The following CNTNAP2 variants were observed in gnomAD, a reference collection of about 807,000 sequenced individuals.
CNTNAP2 encodes the protein contactin associated protein 2.
In CNTNAP2, 98 loss-of-function variants were observed where a neutral mutation model predicts 155.2. The observed-to-expected ratio is 0.63, with a 90% CI of 0.54 to 0.75. CNTNAP2 has a LOEUF of 0.75. CNTNAP2 is among the 30% of genes least tolerant of loss of function. CNTNAP2 has a pLI of 0.00. For missense variants in CNTNAP2, 1,727 were observed against 1,688.1 expected (o/e 1.02, Z -0.40); for synonymous variants, 651 against 631.2 (o/e 1.03, Z -0.47).
Position 147,332,827 on chromosome 7 carries a change from G to A in CNTNAP2, c.1498+32537G>A, listed in dbSNP as rs571467608. ...TAGTGAGCCGAAATCATGCCACTGCGCTCCATCCTGGATGACAGAATGAGA... is the reference window on the plus strand; with the variant it reads ...TAGTGAGCCGAAATCATGCCACTGCACTCCATCCTGGATGACAGAATGAGA... On this transcript the variant is annotated intron_variant, in intron 9 of 23. Coordinates refer to ENST00000361727, the MANE Select transcript of CNTNAP2 (RefSeq NM_014141.6). Among the ~76,000 whole-genome samples, 13 of 152,122 alleles carry A rather than the reference G, an allele frequency of 8.5e-5. No individual in the cohort carries two copies. The East Asian group carries it at 1.6e-3, about 18-fold the overall frequency.
chr7:148,298,086 A>G (rs1454703833), intron 21 of CNTNAP2, among the ~76,000 whole-genome samples: 1 of 152,244 alleles, frequency 6.6e-6, no homozygotes, highest in Non-Finnish European at 1.5e-5. Flanking sequence ...AAGTAACTGT[A>G]GGAAACAATA....
At chr7:147,665,794 C>T (rs1166161684) in intron 13 of CNTNAP2, among the ~76,000 whole-genome samples, 1 of 152,192 alleles carries the variant, frequency 6.6e-6, no homozygotes, top group Non-Finnish European at 1.5e-5. Context: ...CTACAGAGGA[C>T]ATGACCTCAT....
At chr7:146,517,803 A>G (rs1338770907) in intron 1 of CNTNAP2, among the ~76,000 whole-genome samples, 1 of 151,954 alleles carries the variant, frequency 6.6e-6, no homozygotes, top group African/African-American at 2.4e-5. Flanking sequence ...ATGCAGATGG[A>G]GAGAACTGGC....
intron 1 of CNTNAP2, among the ~76,000 whole-genome samples, chr7:146,608,928 C>A (rs981585185): frequency 6.6e-6 from 1 of 152,010 alleles, no homozygotes; most frequent in Non-Finnish European, 1.5e-5. Context: ...AGAAATAATT[C>A]AAAGTTTTTC....
chr7:146,837,609 A>G (rs1337626371), intron 2 of CNTNAP2, among the ~76,000 whole-genome samples: 1 of 152,050 alleles, frequency 6.6e-6, no homozygotes, highest in Non-Finnish European at 1.5e-5. Flanking sequence ...CCAAATGTCT[A>G]GTATATTTTT....
intron 13 of CNTNAP2, among the ~76,000 whole-genome samples, chr7:147,716,390 G>C (rs1312331926): frequency 6.6e-6 from 1 of 152,072 alleles, no homozygotes; most frequent in Non-Finnish European, 1.5e-5. Flanking sequence ...TTATAGGTGA[G>C]CTGGTGGTGA....
intron 13 of CNTNAP2, among the ~76,000 whole-genome samples, chr7:147,725,650 T>C (rs947869349): frequency 6.6e-6 from 1 of 152,058 alleles, no homozygotes; most frequent in Non-Finnish European, 1.5e-5. Context: ...ACTGTGAACG[T>C]GATTTCCCCC....
chr7:147,903,238 A>G (rs1290223608), intron 13 of CNTNAP2, among the ~76,000 whole-genome samples: 1 of 152,032 alleles, frequency 6.6e-6, no homozygotes, highest in Non-Finnish European at 1.5e-5. Context: ...GATGCTGAGC[A>G]TTTTTTCATA....
chr7:147,564,576 T>G (rs1313423631), intron 12 of CNTNAP2, among the ~76,000 whole-genome samples: 1 of 152,178 alleles, frequency 6.6e-6, no homozygotes, highest in Non-Finnish European at 1.5e-5. Flanking sequence ...AGAATTTATT[T>G]TAGTTATTTT....
intron 13 of CNTNAP2, among the ~76,000 whole-genome samples, chr7:147,655,843 G>A (rs923429763): frequency 6.6e-6 from 1 of 152,168 alleles, no homozygotes; most frequent in Non-Finnish European, 1.5e-5. Context: ...GAAGCCAAGC[G>A]TTCACTTTTC....
chr7:146,944,821 T>G (rs1170190177), intron 3 of CNTNAP2, among the ~76,000 whole-genome samples: 1 of 151,152 alleles, frequency 6.6e-6, no homozygotes, highest in Non-Finnish European at 1.5e-5. Flanking sequence ...GAGCTTGCAG[T>G]GAGCCGAGAT....
At chr7:147,864,478 G>A (rs1438496764) in intron 13 of CNTNAP2, among the ~76,000 whole-genome samples, 1 of 151,234 alleles carries the variant, frequency 6.6e-6, no homozygotes, top group African/African-American at 2.4e-5. Flanking sequence ...GTCATTGGTA[G>A]CTTGATGGGG....
At chr7:146,211,519 T>C (rs1221762455) in intron 1 of CNTNAP2, among the ~76,000 whole-genome samples, 1 of 152,176 alleles carries the variant, frequency 6.6e-6, no homozygotes, top group Non-Finnish European at 1.5e-5. Flanking sequence ...CTTAGATGTA[T>C]TTTTGTTTTC....
chr7:148,181,766 T>C (rs1795041371), intron 18 of CNTNAP2, among the ~76,000 whole-genome samples: 1 of 130,724 alleles, frequency 7.6e-6, no homozygotes, highest in Non-Finnish European at 1.6e-5. Context: ...TTTTTTTTTT[T>C]TTTTTTTTTG....
chr7:146,457,006 T>A (rs186094209), intron 1 of CNTNAP2, among the ~76,000 whole-genome samples: 1 of 152,260 alleles, frequency 6.6e-6, no homozygotes, highest in Non-Finnish European at 1.5e-5. Flanking sequence ...TTTAAATGTA[T>A]TTTTTTCAAA....
chr7:147,411,893 T>C (rs2116489554), intron 10 of CNTNAP2, among the ~76,000 whole-genome samples: 1 of 152,258 alleles, frequency 6.6e-6, no homozygotes, highest in African/African-American at 2.4e-5. Flanking sequence ...TTTCGAAAGA[T>C]TATAAAATAT....
chr7:146,245,279 G>A (rs1229680393), intron 1 of CNTNAP2, among the ~76,000 whole-genome samples: 1 of 151,066 alleles, frequency 6.6e-6, no homozygotes, highest in Non-Finnish European at 1.5e-5. Context: ...TGAAGTCCGG[G>A]CCAGGAACAA....
intron 2 of CNTNAP2, among the ~76,000 whole-genome samples, chr7:146,823,559 A>G (rs1285866767): frequency 6.8e-6 from 1 of 146,416 alleles, no homozygotes; most frequent in Non-Finnish European, 1.5e-5. Flanking sequence ...TCTTCAGTAT[A>G]TTTACATGGA....
chr7:146,658,833 T>A (rs1800036991), intron 1 of CNTNAP2, among the ~76,000 whole-genome samples: 1 of 152,160 alleles, frequency 6.6e-6, no homozygotes, highest in Non-Finnish European at 1.5e-5. Flanking sequence ...AGAAAACGAA[T>A]GCCTCTATGG....
Sources: gnomAD v4.1 joint callset for allele counts (sites outside exome capture counted in the v4.1 genomes callset) on GRCh38, gnomAD v4.1.1 for gene constraint, MANE v1.5 for transcripts, NCBI Gene and HGNC (gene_info 2026-07-23, HGNC 2026-07-21) for gene names.